The following STK10 variants were observed in gnomAD, a reference collection of about 807,000 sequenced individuals.
STK10 encodes serine/threonine-protein kinase 10.
A neutral mutation model predicts 113.8 loss-of-function variants in STK10; 78 were observed. That is an observed-to-expected ratio of 0.69 (90% CI 0.57 to 0.83). STK10 has a LOEUF of 0.83. Among genes scored for constraint, STK10 ranks in the 40% least tolerant of loss-of-function variants. The probability of loss-of-function intolerance (pLI) is 0.00; values close to 1 mark genes in which losing one functional copy is unlikely to be tolerated. For synonymous variants in STK10, 465 were observed against 494.7 expected, an observed-to-expected ratio of 0.94 and a Z score of 0.80; for missense variants, 1,109 against 1,280.1, an observed-to-expected ratio of 0.87 and a Z score of 2.04.
Position 172,043,362 on chromosome 5 carries a change from A to G in STK10, c.*1520T>C, listed in dbSNP as rs574295907. 1 of 152,150 alleles carries G rather than the reference A, an allele frequency of 6.6e-6. No individual in the cohort carries two copies. Among genetic ancestry groups the G allele is most frequent in the East Asian group, 1.9e-4 (1 of 5,164 alleles). 9.4% of individuals were successfully genotyped at this position (152,150 alleles called of 1,614,324 possible). ...CACCATGCCCGGCCTAAAAATAAAG[A>G]ATCTTAAATCTGTAGGAGTGAAGGC... On this transcript the variant is annotated 3_prime_UTR_variant, in exon 19 of 19. Coordinates refer to ENST00000176763, the MANE Select transcript of STK10 (RefSeq NM_005990.4).
chr5:172,139,834 T>C (rs186096738), intron 2 of STK10, among the ~76,000 whole-genome samples: 29 of 139,890 alleles, frequency 2.1e-4, no homozygotes, highest in Admixed American at 1.4e-3. Flanking sequence ...GAAGAAATCA[T>C]AGGGGAAAAG....
intron 1 of STK10, among the ~76,000 whole-genome samples, chr5:172,167,114 C>T (rs140124300): frequency 0.011 from 1,718 of 150,078 alleles, 47 homozygotes; most frequent in African/African-American, 0.04. Context: ...GAGCTGAGAT[C>T]GTGCCACTGC....
At chr5:172,105,172 C>T (rs1464053298) in intron 7 of STK10, among the ~76,000 whole-genome samples, 2 of 148,726 alleles carry the variant, frequency 1.3e-5, no homozygotes, top group Non-Finnish European at 3.0e-5. Context: ...CCACCTCCCA[C>T]CCCCACCCCC....
At chr5:172,185,020 G>A (rs189999463) in intron 1 of STK10, among the ~76,000 whole-genome samples, 1 of 152,144 alleles carries the variant, frequency 6.6e-6, no homozygotes, top group Non-Finnish European at 1.5e-5. Context: ...AGAGGAGACA[G>A]TATCGATTGT....
chr5:172,150,704 G>A (rs183591813), intron 2 of STK10, among the ~76,000 whole-genome samples: 61 of 152,196 alleles, frequency 4.0e-4, no homozygotes, highest in African/African-American at 1.4e-3. Context: ...CAAAAACCCT[G>A]GCCAGCAACG....
chr5:172,052,209 G>A (rs1403665557), intron 18 of STK10, among the ~76,000 whole-genome samples: 2 of 152,176 alleles, frequency 1.3e-5, no homozygotes, highest in Non-Finnish European at 2.9e-5. Flanking sequence ...ATGCATGCTG[G>A]CTATTTGAGG....
intron 18 of STK10, among the ~76,000 whole-genome samples, chr5:172,048,565 G>C (rs1196853157): frequency 1.3e-5 from 2 of 152,162 alleles, no homozygotes; most frequent in Non-Finnish European, 2.9e-5. Flanking sequence ...AGAACGTCTA[G>C]AGTGCCAGCT....
chr5:172,106,401 C>CAAAAA lies in STK10; in HGVS notation c.788+214_788+218dup, dbSNP rs368671444. Among the ~76,000 whole-genome samples the CAAAAA allele has an allele frequency of 7.5e-4, 40 of 53,450 alleles. 3 individuals carry two copies. In the South Asian group the frequency reaches 0.014, roughly 19 times the overall value. 35.1% of individuals were successfully genotyped at this position (53,450 alleles called of 152,430 possible). Reference sequence around the variant, plus strand: ...TGGGCAAAAGAGTGAGACCCTATCTCAAAAAAAAAAAAAAAAAGGAACACA... The same window carrying CAAAAA: ...TGGGCAAAAGAGTGAGACCCTATCTCAAAAAAAAAAAAAAAAAAAAAAGGAACACA... On this transcript the variant is annotated intron_variant, in intron 6 of 18. Coordinates refer to ENST00000176763, the MANE Select transcript of STK10 (RefSeq NM_005990.4).
At chr5:172,067,358 AAATAAATAAATAG>A (rs1768091956) in intron 12 of STK10, among the ~76,000 whole-genome samples, 1 of 148,160 alleles carries the variant, frequency 6.7e-6, no homozygotes, top group Admixed American at 6.8e-5. Flanking sequence ...CCCTGTCTCT[AAATAAATAAATAG>A]AATAAATAAA....
At position 172,093,432 on chromosome 5, in the gene STK10, T is replaced by C. The variant is rs532474125; in HGVS notation, c.1534A>G (p.Met512Val). The C allele has an allele frequency of 5.1e-5, 81 of 1,600,786 alleles. No individual in the cohort carries two copies. The highest frequency in any genetic ancestry group is 4.1e-4 in the South Asian group (37 of 90,724). ...GTTACCTTGATGGACAGAGAGCCCA[T>C]CTCTTTGTTCAGCGACAGGTCAGTG... ...LSTDLSLNKE[M>V]GSLSIKDPKL... Residue 512 changes from methionine (M) to valine (V), a missense_variant, in exon 9 of 19, where the codon ATG (methionine) becomes GTG (valine). Transcript: ENST00000176763. The surrounding 1 kb of genome is among the most constrained non-coding windows in gnomAD (Gnocchi z 4.1).
intron 7 of STK10, among the ~76,000 whole-genome samples, chr5:172,097,520 T>G (rs1002547290): frequency 6.6e-6 from 1 of 152,224 alleles, no homozygotes; most frequent in Admixed American, 6.5e-5. Flanking sequence ...GTGCAGTCTT[T>G]CGCGTTGGCT....
chr5:172,181,634 C>T (rs1184424994), intron 1 of STK10, among the ~76,000 whole-genome samples: 1 of 151,616 alleles, frequency 6.6e-6, no homozygotes, highest in African/African-American at 2.4e-5. Context: ...CAGGCGCCCA[C>T]CACCATGCCA....
In STK10 at chr5:172,156,882, A is replaced by G. The variant is rs576950780; in HGVS notation, c.157-94T>C. Reference sequence around the variant, plus strand: ...CGCAGTCCTGCATGAGTGTGAAAACAGAGGCCGGATGTCCAGATGCTGAAC... The same window carrying G: ...CGCAGTCCTGCATGAGTGTGAAAACGGAGGCCGGATGTCCAGATGCTGAAC... On this transcript the variant is annotated intron_variant, in intron 1 of 18. Coordinates refer to ENST00000176763, the MANE Select transcript of STK10 (RefSeq NM_005990.4). The G allele has an allele frequency of 1.6e-4, 222 of 1,432,202 alleles. 1 individual carries two copies. In the African/African-American group the frequency reaches 2.4e-3, roughly 16 times the overall value. The allele number at this position is 1,432,202 out of a possible 1,614,324, so 88.7% of individuals were successfully genotyped here.
At chr5:172,154,163 G>A (rs189624893) in intron 2 of STK10, among the ~76,000 whole-genome samples, 5 of 152,292 alleles carry the variant, frequency 3.3e-5, no homozygotes, top group Admixed American at 6.5e-5. Context: ...ACCTTAAAAC[G>A]CCAATTGCTG....
At chr5:172,067,141 G>A (rs1371802024) in intron 12 of STK10, among the ~76,000 whole-genome samples, 2 of 152,122 alleles carry the variant, frequency 1.3e-5, no homozygotes, top group African/African-American at 4.8e-5. Context: ...CTGAGCTCAG[G>A]AGTTCGAGAC....
chr5:172,151,859 T>C (rs907277891), intron 2 of STK10, among the ~76,000 whole-genome samples: 2 of 152,236 alleles, frequency 1.3e-5, no homozygotes, highest in African/African-American at 4.8e-5. Context: ...CACGTTACTC[T>C]GCCGCTCTCC....
At chr5:172,063,682 G>GC in intron 13 of STK10, 1 of 152,266 alleles carries the variant, frequency 6.6e-6, no homozygotes, top group Non-Finnish European at 1.5e-5. Flanking sequence ...AGGTCATAGG[G>GC]TGTCCCGGAG....
intron 16 of STK10, 58 bp downstream of exon 16, chr5:172,055,530 A>T: frequency 7.4e-7 from 1 of 1,347,882 alleles, no homozygotes; most frequent in Non-Finnish European, 9.6e-7. Flanking sequence ...AGGTCCCGCC[A>T]AACCTGGCCC....
At chr5:172,046,555 G>A (rs1767500051) in intron 18 of STK10, among the ~76,000 whole-genome samples, 1 of 152,134 alleles carries the variant, frequency 6.6e-6, no homozygotes, top group South Asian at 2.1e-4. Flanking sequence ...TAATGGAGGA[G>A]TTAGGACTTC....
Sources: allele counts gnomAD v4.1 joint callset (sites outside exome capture counted in the v4.1 genomes callset), GRCh38; gene constraint gnomAD v4.1.1; non-coding constraint Gnocchi (gnomAD v3.1); transcripts MANE v1.5; gene names NCBI Gene and HGNC (gene_info 2026-07-23, HGNC 2026-07-21).